The following TRAK2 variants were observed in gnomAD, a reference collection of about 807,000 sequenced individuals.
TRAK2 encodes trafficking kinesin-binding protein 2.
Under a neutral mutation model 104.6 loss-of-function variants are expected in TRAK2, and 81 were observed. The observed-to-expected ratio is 0.77, with a 90% confidence interval of 0.65 to 0.93. TRAK2 has a LOEUF of 0.93. Ranked by LOEUF, TRAK2 falls within the 40% of genes least tolerant of loss-of-function variation. The pLI, the probability that TRAK2 is intolerant of heterozygous loss-of-function variation, is 0.00. For missense variants in TRAK2, 1,002 were observed against 1,089.0 expected (o/e 0.92, Z 1.12); for synonymous variants, 406 against 394.4 (o/e 1.03, Z -0.35).
intron 12 of TRAK2, among the ~76,000 whole-genome samples, chr2:201,388,815 G>C (rs897497971): frequency 6.6e-6 from 1 of 152,202 alleles, no homozygotes; most frequent in Non-Finnish European, 1.5e-5. Context: ...CTAGTGTGAT[G>C]AATTTTTATG....
At chr2:201,436,167 T>C (rs1203272598) in intron 1 of TRAK2, among the ~76,000 whole-genome samples, 4 of 152,208 alleles carry the variant, frequency 2.6e-5, no homozygotes, top group Admixed American at 6.5e-5. Context: ...AAAACAAGTA[T>C]AGGTCTTCAA....
At chr2:201,429,343 C>G (rs1308705019) in intron 1 of TRAK2, among the ~76,000 whole-genome samples, 2 of 152,188 alleles carry the variant, frequency 1.3e-5, no homozygotes, top group Non-Finnish European at 2.9e-5. Context: ...ATGTGTCTTG[C>G]AGTTGCTCTT....
At position 201,387,875 on chromosome 2, in the gene TRAK2, C is replaced by T; in HGVS notation, c.1524G>A (p.Gln508=). The T allele has an allele frequency of 6.2e-7, 1 of 1,614,206 alleles. No homozygotes were observed. The highest frequency in any genetic ancestry group is 8.5e-7 in the Non-Finnish European group (1 of 1,180,024). Residue 508 remains glutamine, a synonymous_variant, in exon 13 of 16, where the codon CAG becomes CAA. Transcript: ENST00000332624. ...SEKQFFAEEW[Q]RKIQVLADQK... ...GGTCTGCCAGAACCTGGATCTTCCG[C>T]TGCCATTCTTCAGCAAAGAACTGCT...
intron 15 of TRAK2, among the ~76,000 whole-genome samples, chr2:201,382,603 G>T (rs2125639338): frequency 6.6e-6 from 1 of 152,272 alleles, no homozygotes; most frequent in Middle Eastern, 3.4e-3. Context: ...CCTGTATTAA[G>T]AGTCTCCTCA....
intron 2 of TRAK2, among the ~76,000 whole-genome samples, chr2:201,409,668 T>A (rs1163224699): frequency 6.6e-6 from 1 of 152,256 alleles, no homozygotes; most frequent in Non-Finnish European, 1.5e-5. Context: ...AGTCTCTTTG[T>A]ACTAAACATT....
intron 1 of TRAK2, among the ~76,000 whole-genome samples, chr2:201,445,160 G>T (rs1951954967): frequency 6.6e-6 from 1 of 152,148 alleles, no homozygotes; most frequent in South Asian, 2.1e-4. Flanking sequence ...ACAATACGGG[G>T]TAGTTAAACA....
intron 1 of TRAK2, among the ~76,000 whole-genome samples, chr2:201,431,469 C>T (rs563024751): frequency 1.3e-5 from 2 of 152,304 alleles, no homozygotes; most frequent in East Asian, 3.9e-4. Flanking sequence ...TATTACTTGG[C>T]TCAGGGTTTC....
At chr2:201,388,211 G>T in intron 12 of TRAK2, 2 of 580,618 alleles carry the variant, frequency 3.4e-6, no homozygotes, top group Admixed American at 2.6e-5. Context: ...GACTTGAAAG[G>T]CAAGATAATA....
rs1308253072 is a variant in TRAK2, at chr2:201,379,190, GCTCAGC to G, written c.*1347_*1352del. 6.6e-6 allele frequency: 1 copy of G among 152,128 alleles called. No individual in the cohort carries two copies. Among genetic ancestry groups the G allele is most frequent in the Non-Finnish European group, 1.5e-5 (1 of 68,018 alleles). 9.4% of individuals were successfully genotyped at this position (152,128 alleles called of 1,614,324 possible). The stretch of plus-strand genomic sequence containing the variant: ...CGTCATCTGATGAGAAGCAGACTTT[GCTCAGC>G]AACATTGAGAAAAAACAGATCTACT... On this transcript the variant is annotated 3_prime_UTR_variant, in exon 16 of 16. Transcript: ENST00000332624.
chr2:201,386,143 A>G (rs1951387566), intron 14 of TRAK2, 75 bp downstream of exon 14: 3 of 1,522,372 alleles, frequency 2.0e-6, no homozygotes, highest in African/African-American at 1.4e-5. Flanking sequence ...AGAGGTAGCC[A>G]GCTGACTGTC....
chr2:201,398,047 G>A (rs2125645826), intron 6 of TRAK2, 98 bp downstream of exon 6: 9 of 1,163,608 alleles, frequency 7.7e-6, no homozygotes, highest in Non-Finnish European at 1.1e-5. Context: ...AATGCCAATA[G>A]CAAATCCTTA....
intron 5 of TRAK2, among the ~76,000 whole-genome samples, chr2:201,398,922 A>G (rs1164641684): frequency 1.3e-5 from 2 of 152,168 alleles, no homozygotes; most frequent in African/African-American, 2.4e-5. Flanking sequence ...AAATGTAACC[A>G]TCCAAGTTAA....
At chr2:201,449,358 C>T (rs1396197165) in intron 1 of TRAK2, among the ~76,000 whole-genome samples, 1 of 152,092 alleles carries the variant, frequency 6.6e-6, no homozygotes, top group Non-Finnish European at 1.5e-5. Flanking sequence ...CCCCTTGTTA[C>T]ATAAGCAAGT....
At chr2:201,407,222 A>T (rs551414116) in intron 3 of TRAK2, among the ~76,000 whole-genome samples, 181 bp downstream of exon 3, 2 of 152,340 alleles carry the variant, frequency 1.3e-5, no homozygotes, top group South Asian at 2.1e-4. Flanking sequence ...AGTCATAAGG[A>T]TGACAAACTT....
At position 201,407,482 on chromosome 2, in the gene TRAK2, C is replaced by T; in HGVS notation, c.207G>A (p.Trp69Ter). 1.1e-5 allele frequency: 18 copies of T among 1,613,960 alleles called. No homozygotes were observed. The highest frequency in any genetic ancestry group is 1.5e-5 in the Non-Finnish European group (18 of 1,179,842). ...GCTGCCGCTGGTGTGGAGACTGAGT[C>T]CAGTCTTGATTTTCATATAGAAAGA... ...DTLFLYENQD[W>*]TQSPHQRQHA... The change falls in exon 3 of 16, where the codon TGG becomes TGA. Residue 69 changes from tryptophan (W) to a stop codon, truncating the protein, a stop_gained. Coordinates refer to ENST00000332624, the MANE Select transcript of TRAK2 (RefSeq NM_015049.3). LOFTEE classifies it high-confidence loss of function.
intron 15 of TRAK2, among the ~76,000 whole-genome samples, chr2:201,382,532 C>G (rs1951353433): frequency 6.6e-6 from 1 of 152,128 alleles, no homozygotes; most frequent in Non-Finnish European, 1.5e-5. Context: ...CTCCCTATTT[C>G]TACTAGACTC....
intron 2 of TRAK2, among the ~76,000 whole-genome samples, chr2:201,416,641 T>A (rs918404932): frequency 6.6e-6 from 1 of 152,140 alleles, no homozygotes; most frequent in Admixed American, 6.6e-5. Context: ...TAATGTATTA[T>A]GTATATAACA....
Position 201,380,713 on chromosome 2 carries a change from G to A in TRAK2, c.2575C>T (p.Gln859Ter). ...TTTTGAGGACCAATTTCTGCCTCCT[G>A]GCATCTTCCATTCTCTTGGGCACCA... ...NPGAQENGRC[Q>*]EAEIGPQKPD... Residue 859 changes from glutamine (Q) to a stop codon, truncating the protein, a stop_gained, in exon 16 of 16, where the codon CAG (glutamine) becomes TAG (stop). Coordinates refer to ENST00000332624, the MANE Select transcript of TRAK2 (RefSeq NM_015049.3). LOFTEE classifies it high-confidence loss of function. 6.2e-7 allele frequency: 1 copy of A among 1,613,990 alleles called. No homozygotes were observed. The highest frequency in any genetic ancestry group is 8.5e-7 in the Non-Finnish European group (1 of 1,179,988).
At chr2:201,440,456 A>C (rs1352168701) in intron 1 of TRAK2, among the ~76,000 whole-genome samples, 10 of 152,166 alleles carry the variant, frequency 6.6e-5, no homozygotes. Flanking sequence ...TCCCTCCAGC[A>C]CCAGGGATTT....
Sources: gnomAD v4.1 joint callset for allele counts (sites outside exome capture counted in the v4.1 genomes callset) on GRCh38, gnomAD v4.1.1 for gene constraint, MANE v1.5 for transcripts, NCBI Gene and HGNC (gene_info 2026-07-23, HGNC 2026-07-21) for gene names.